The following PKN2 variants were observed in gnomAD, a reference collection of about 807,000 sequenced individuals.
PKN2 encodes serine/threonine-protein kinase N2.
A neutral mutation model predicts 119.1 loss-of-function variants in PKN2; 38 were observed. That is an observed-to-expected ratio of 0.32 (90% CI 0.25 to 0.42). The LOEUF is 0.42. Among genes scored for constraint, PKN2 ranks in the 10% least tolerant of loss-of-function variants. The pLI is 1.00. For missense variants in PKN2, 850 were observed against 1,165.1 expected (o/e 0.73, Z 3.94); for synonymous variants, 390 against 384.9 (o/e 1.01, Z -0.15).
chr1:88,771,560 T>C lies in PKN2; in HGVS notation c.762T>C (p.Leu254=). ...GSGKVTDRKA[L]SEAQARFNES... is the part of the protein sequence containing the mutation. ...GAAAAGTAACAGACAGAAAAGCACT[T>C]TCAGAAGTAATTTTAAATAAAAATT... is the stretch of plus-strand genomic sequence containing the variant. The change falls in exon 5 of 22, where the codon CTT becomes CTC. Residue 254 remains leucine (L), a synonymous_variant. Transcript: ENST00000370521. 6.3e-7 allele frequency: 1 copy of C among 1,584,808 alleles called. No homozygotes were observed. The highest frequency in any genetic ancestry group is 8.5e-7 in the Non-Finnish European group (1 of 1,170,024).
At chr1:88,786,255 A>C in intron 8 of PKN2, 42 bp downstream of exon 8, 1 of 995,718 alleles carries the variant, frequency 1.0e-6, no homozygotes, top group Admixed American at 2.0e-5. Flanking sequence ...ATTATAATTC[A>C]TTTTAAATGT....
intron 8 of PKN2, among the ~76,000 whole-genome samples, chr1:88,792,175 C>T (rs932695355): frequency 6.6e-6 from 1 of 152,222 alleles, no homozygotes; most frequent in Admixed American, 6.5e-5. Flanking sequence ...GAGGCCGAGG[C>T]GGGCGGATCA....
intron 1 of PKN2, among the ~76,000 whole-genome samples, chr1:88,695,528 A>G (rs1228420565): frequency 1.3e-5 from 2 of 152,020 alleles, no homozygotes; most frequent in Non-Finnish European, 2.9e-5. Context: ...TTGTGGCTCA[A>G]ACTTTTTATG....
intron 1 of PKN2, among the ~76,000 whole-genome samples, chr1:88,732,883 G>A (rs1668196963): frequency 1.3e-5 from 2 of 152,106 alleles, no homozygotes; most frequent in Non-Finnish European, 2.9e-5. Flanking sequence ...GTACCTAGAG[G>A]ACACTAAGCC....
intron 1 of PKN2, among the ~76,000 whole-genome samples, chr1:88,733,397 A>G (rs527486600): frequency 9.1e-4 from 138 of 152,230 alleles, no homozygotes; most frequent in African/African-American, 3.3e-3. Flanking sequence ...GTGATGTGAT[A>G]TCTCATTATA....
intron 6 of PKN2, among the ~76,000 whole-genome samples, chr1:88,779,231 G>C (rs955208897): frequency 1.3e-5 from 2 of 152,054 alleles, no homozygotes; most frequent in African/African-American, 2.4e-5. Flanking sequence ...AAACTCCACA[G>C]AGCTCTCCGG....
chr1:88,832,631 GTT>G, intron 19 of PKN2, 111 bp from the exon 20 acceptor site: 1 of 610,910 alleles, frequency 1.6e-6, no homozygotes, highest in Non-Finnish European at 2.9e-6. Flanking sequence ...TGTTGTTGTT[GTT>G]TTGTCTGTTT....
intron 1 of PKN2, among the ~76,000 whole-genome samples, chr1:88,705,035 A>G (rs1212650325): frequency 1.3e-5 from 2 of 151,892 alleles, no homozygotes; most frequent in Non-Finnish European, 2.9e-5. Context: ...TTTCTTATTG[A>G]ATGTTGAGAG....
intron 1 of PKN2, among the ~76,000 whole-genome samples, chr1:88,737,992 A>G (rs1033563831): frequency 3.3e-5 from 5 of 152,142 alleles, no homozygotes; most frequent in African/African-American, 9.7e-5. Context: ...GATCATGTTC[A>G]AATTTATGTT....
chr1:88,730,175 A>G (rs1009337584), intron 1 of PKN2, among the ~76,000 whole-genome samples: 1 of 152,170 alleles, frequency 6.6e-6, no homozygotes, highest in African/African-American at 2.4e-5. Flanking sequence ...AAAAAAAAAA[A>G]AACACCAGTC....
rs1672842738 is a variant in PKN2, at chr1:88,834,040, A to G, written c.*592A>G. 6.6e-6 allele frequency: 1 copy of G among 152,090 alleles called. No homozygotes were observed. The highest frequency in any genetic ancestry group is 1.5e-5 in the Non-Finnish European group (1 of 67,992). 9.4% of individuals were successfully genotyped at this position (152,090 alleles called of 1,614,324 possible). A position where few individuals can be genotyped will look rare whatever the true frequency, so the allele number is the denominator to read the frequency against. On this transcript the variant is annotated 3_prime_UTR_variant, in exon 22 of 22. Transcript: ENST00000370521. ...ATTTTATAAATGTTCTATATTTATTAGGAGAAAACTTTATATTGCCTTTTT... is the reference window on the plus strand; with the variant it reads ...ATTTTATAAATGTTCTATATTTATTGGGAGAAAACTTTATATTGCCTTTTT...
chr1:88,748,572 G>C (rs1275333917), intron 2 of PKN2, among the ~76,000 whole-genome samples: 1 of 152,120 alleles, frequency 6.6e-6, no homozygotes, highest in Non-Finnish European at 1.5e-5. Context: ...TGTGAATAAA[G>C]TTTTCAGTTC....
intron 7 of PKN2, among the ~76,000 whole-genome samples, chr1:88,785,074 T>C (rs915658093): frequency 3.3e-5 from 5 of 152,240 alleles, no homozygotes; most frequent in African/African-American, 9.6e-5. Flanking sequence ...ATCACTCTTA[T>C]GCCAAACTGA....
chr1:88,763,971 A>G (rs920074109), intron 3 of PKN2, among the ~76,000 whole-genome samples: 1 of 152,196 alleles, frequency 6.6e-6, no homozygotes, highest in Non-Finnish European at 1.5e-5. Context: ...ATTGGATTCT[A>G]CATGATTAAA....
At chr1:88,824,644 T>G (rs889150828) in intron 18 of PKN2, among the ~76,000 whole-genome samples, 1 of 152,214 alleles carries the variant, frequency 6.6e-6, no homozygotes, top group African/African-American at 2.4e-5. Context: ...GTCACTACTT[T>G]AAGGAAGTAT....
intron 15 of PKN2, 60 bp downstream of exon 15, chr1:88,807,835 A>G (rs926051989): frequency 1.8e-4 from 170 of 961,012 alleles, no homozygotes; most frequent in Middle Eastern, 8.2e-4. Context: ...GAGAAATGAT[A>G]TATGTATTAC....
At chr1:88,716,610 T>C (rs972990564) in intron 1 of PKN2, among the ~76,000 whole-genome samples, 1 of 152,236 alleles carries the variant, frequency 6.6e-6, no homozygotes, top group Non-Finnish European at 1.5e-5. Context: ...AGACGAGGAC[T>C]GCAACCCCTG....
At chr1:88,694,636 G>A (rs769204939) in intron 1 of PKN2, among the ~76,000 whole-genome samples, 2 of 152,172 alleles carry the variant, frequency 1.3e-5, no homozygotes, top group African/African-American at 2.4e-5. Context: ...ATACCAGGGT[G>A]TCCAATTGTA....
chr1:88,728,235 C>T (rs6684950), intron 1 of PKN2, among the ~76,000 whole-genome samples: 10,200 of 152,018 alleles, frequency 0.067, 696 homozygotes, highest in African/African-American at 0.18. Context: ...TATAAGCCTA[C>T]TCAATCTTGT....
Sources: allele counts gnomAD v4.1 joint callset (sites outside exome capture counted in the v4.1 genomes callset), GRCh38; gene constraint gnomAD v4.1.1; transcripts MANE v1.5; gene names NCBI Gene and HGNC (gene_info 2026-07-23, HGNC 2026-07-21).